Variants in PLCH2 observed in about 807,000 individuals in gnomAD.
PLCH2 encodes the protein phospholipase C eta 2, also known as 1-phosphatidylinositol 4,5-bisphosphate phosphodiesterase eta-2.
Under a neutral mutation model 134.7 loss-of-function variants are expected in PLCH2, and 98 were observed. The ratio of observed to expected loss-of-function variants is 0.73; its 90% CI spans 0.62 to 0.86. The LOEUF (loss-of-function observed/expected upper bound fraction) is 0.86, where lower values mean the gene tolerates loss of function less well. Among genes scored for constraint, PLCH2 ranks in the 40% least tolerant of loss-of-function variants. The pLI, the probability that PLCH2 is intolerant of heterozygous loss-of-function variation, is 0.00. For synonymous variants in PLCH2, 974 were observed against 827.5 expected (o/e 1.18, Z -3.04); for missense variants, 1,994 against 1,986.6 (o/e 1.00, Z -0.07).
chr1:2,455,361 C>G (rs1640439305), intron 2 of PLCH2, among the ~76,000 whole-genome samples: 1 of 152,202 alleles, frequency 6.6e-6, no homozygotes, highest in Admixed American at 6.5e-5. Context: ...ACCCTCGGCC[C>G]TGCCAGGCCC....
intron 2 of PLCH2, among the ~76,000 whole-genome samples, chr1:2,440,376 T>G (rs1198090215): frequency 1.3e-5 from 2 of 151,250 alleles, no homozygotes; most frequent in East Asian, 3.9e-4. Flanking sequence ...CCACACAGTC[T>G]GCCGTGAGAG....
At chr1:2,421,570 T>C (rs1215362620), upstream of PLCH2, among the ~76,000 whole-genome samples, 1 of 152,244 alleles carries the variant, frequency 6.6e-6, no homozygotes, top group Non-Finnish European at 1.5e-5. Flanking sequence ...CGTATGATAC[T>C]GTCCATCTCT....
At chr1:2,476,750 G>A (rs1182698759) in intron 1 of PLCH2, 38 bp downstream of exon 1, 3 of 1,548,090 alleles carry the variant, frequency 1.9e-6, no homozygotes, top group Non-Finnish European at 2.6e-6. Flanking sequence ...GCTGAGTGCT[G>A]GCCCTGGCCA....
rs778783440 is a variant in PLCH2, at chr1:2,504,810, C to CG, written c.3851dup (p.Gly1285ArgfsTer125). On this transcript the variant is annotated frameshift_variant, in exon 22 of 22. Transcript: ENST00000378486. LOFTEE classifies it high-confidence loss of function. The stretch of plus-strand genomic sequence containing the variant: ...AGACTGAGCCACAGCCTGGGCCTCC[C>CG]GGGAGGGACACGGCGGGTGTCGGGG... 1 of 1,611,316 alleles carries CG rather than the reference C, an allele frequency of 6.2e-7. No individual in the cohort carries two copies. The highest frequency in any genetic ancestry group is 1.1e-5 in the South Asian group (1 of 91,014).
rs1049346055 is a variant in PLCH2, at chr1:2,448,274, A to C, written c.115+17645A>C. ...CACGCTTATTCTCTCGCAGTCCTGGAGGCTGGAAGTCTGAGGTCAGGGTGT... is the reference window on the plus strand; with the variant it reads ...CACGCTTATTCTCTCGCAGTCCTGGCGGCTGGAAGTCTGAGGTCAGGGTGT... On this transcript the variant is annotated intron_variant, in intron 2 of 3. Coordinates refer to the PLCH2 transcript ENST00000609981. The surrounding 1 kb of genome is among the most constrained non-coding windows in gnomAD (Gnocchi z 4.0). Among the ~76,000 whole-genome samples the C allele has an allele frequency of 6.6e-6, 1 of 152,088 alleles. No homozygotes were observed. The highest frequency in any genetic ancestry group is 1.5e-5 in the Non-Finnish European group (1 of 68,006).
intron 1 of PLCH2, among the ~76,000 whole-genome samples, chr1:2,477,352 C>T (rs1267964228): frequency 6.6e-6 from 1 of 152,166 alleles, no homozygotes; most frequent in Non-Finnish European, 1.5e-5. Flanking sequence ...GAGAGCCCAG[C>T]CCCCCATGCC....
chr1:2,465,655 A>C (rs1641024709), upstream of PLCH2, among the ~76,000 whole-genome samples: 2 of 152,174 alleles, frequency 1.3e-5, no homozygotes, highest in Non-Finnish European at 2.9e-5. Flanking sequence ...CCCAGAAAAG[A>C]GATTTAGGAG....
At chr1:2,445,977 G>A (rs957357892) in intron 2 of PLCH2, among the ~76,000 whole-genome samples, 4 of 152,166 alleles carry the variant, frequency 2.6e-5, no homozygotes, top group East Asian at 1.9e-4. Flanking sequence ...AGCCTGGCCC[G>A]AGCCCCATGC....
chr1:2,504,094 C>A lies in PLCH2; in HGVS notation c.3132C>A (p.Pro1044=). Residue 1044 remains proline (P), a synonymous_variant, in exon 22 of 22, where the codon CCC becomes CCA. Coordinates refer to ENST00000378486, the MANE Select transcript of PLCH2 (RefSeq NM_014638.4). ...GACCCGGAGCCAATGTGGCAAGCCC[C>A]CTAGAGGACACTGAGGAGCCCCGAG... ...PTGPGANVAS[P]LEDTEEPRDS... 1 of 1,538,806 alleles carries A rather than the reference C, an allele frequency of 6.5e-7. No homozygotes were observed. The highest frequency in any genetic ancestry group is 8.8e-7 in the Non-Finnish European group (1 of 1,142,712).
intron 2 of PLCH2, among the ~76,000 whole-genome samples, chr1:2,459,223 C>G (rs1640647939): frequency 6.6e-6 from 1 of 152,266 alleles, no homozygotes; most frequent in Non-Finnish European, 1.5e-5. Flanking sequence ...TGGTGACAAG[C>G]CCTCTCTGGC....
chr1:2,475,175 C>T (rs1378420718), upstream of PLCH2, among the ~76,000 whole-genome samples: 2 of 152,334 alleles, frequency 1.3e-5, no homozygotes, highest in East Asian at 1.9e-4. Flanking sequence ...GGGACTGCCA[C>T]CTCCCACGCC....
rs1409150136 is a variant in PLCH2, at chr1:2,467,634, GC to G, written c.20del (p.Pro7GlnfsTer23). On this transcript the variant is annotated frameshift_variant, in exon 1 of 22. Coordinates refer to the PLCH2 transcript ENST00000449969. LOFTEE classifies it high-confidence loss of function. The stretch of plus-strand genomic sequence containing the variant: ...ACCCGCCGGCCATGGAAGAGCCTGG[GC>G]CCCCAGGTGGGCTCAGCCAAGACCA... The G allele has an allele frequency of 2.4e-6, 1 of 412,826 alleles. No individual in the cohort carries two copies. Among genetic ancestry groups the G allele is most frequent in the Non-Finnish European group, 4.3e-6 (1 of 232,020 alleles). 25.6% of individuals were successfully genotyped at this position (412,826 alleles called of 1,614,324 possible).
chr1:2,480,678 G>A (rs897596929), intron 4 of PLCH2, among the ~76,000 whole-genome samples: 12 of 152,324 alleles, frequency 7.9e-5, no homozygotes, highest in East Asian at 3.9e-4. Context: ...CCGCAGCCTC[G>A]AGGGGGGTAC....
At chr1:2,499,264 G>A in intron 19 of PLCH2, 34 bp downstream of exon 19, 5 of 1,609,368 alleles carry the variant, frequency 3.1e-6, no homozygotes, top group Non-Finnish European at 4.2e-6. Flanking sequence ...CCCCCACACT[G>A]GCCGAGGGCC....
chr1:2,445,718 C>T (rs1639910913), intron 2 of PLCH2, among the ~76,000 whole-genome samples: 1 of 152,144 alleles, frequency 6.6e-6, no homozygotes, highest in Non-Finnish European at 1.5e-5. Flanking sequence ...GCCTGGCAGC[C>T]CGGTTCCCGA....
intron 2 of PLCH2, among the ~76,000 whole-genome samples, chr1:2,440,495 CGCCCGGGG>C (rs1557948066): frequency 6.6e-4 from 99 of 149,456 alleles, no homozygotes; most frequent in East Asian, 1.6e-3. Context: ...TTGCCCGGCC[CGCCCGGGG>C]ATCTTGCATT....
intron 11 of PLCH2, 35 bp from the exon 12 acceptor site, chr1:2,494,821 G>C: frequency 6.7e-7 from 1 of 1,482,602 alleles, no homozygotes; most frequent in South Asian, 1.2e-5. Context: ...TTCAAGGCTA[G>C]ACTCACCTTG....
Position 2,496,692 on chromosome 1 carries a change from A to G in PLCH2, c.1921A>G (p.Ile641Val), listed in dbSNP as rs1008603611. 1 of 1,611,860 alleles carries G rather than the reference A, an allele frequency of 6.2e-7. No homozygotes were observed. The highest frequency in any genetic ancestry group is 8.5e-7 in the Non-Finnish European group (1 of 1,179,360). ...KYTKSVATHD[I>V]EMEAASSWQV... ...CACCAAGTCCGTGGCCACCCACGAC[A>G]TAGAGATGGAGGGTGAGTGGCTCGG... is the stretch of plus-strand genomic sequence containing the variant. Residue 641 changes from isoleucine to valine, a missense_variant, in exon 14 of 22, where the codon ATA (isoleucine) becomes GTA (valine). Coordinates refer to ENST00000378486, the MANE Select transcript of PLCH2 (RefSeq NM_014638.4).
intron 2 of PLCH2, among the ~76,000 whole-genome samples, chr1:2,436,502 CCTTT>C (rs1639413993): frequency 2.3e-5 from 1 of 43,910 alleles, no homozygotes; most frequent in Non-Finnish European, 3.7e-5. Context: ...CCCTCCTCCT[CCTTT>C]CCTCCTTCCT....
Sources: gnomAD v4.1 joint callset for allele counts (sites outside exome capture counted in the v4.1 genomes callset) on GRCh38, gnomAD v4.1.1 for gene constraint, Gnocchi (gnomAD v3.1) non-coding constraint, MANE v1.5 for transcripts, NCBI Gene and HGNC (gene_info 2026-07-23, HGNC 2026-07-21) for gene names.